Variants in S100A2 observed in about 807,000 individuals in gnomAD.
S100A2 encodes S100 calcium binding protein A2.
S100A2 carries 5 observed loss-of-function variants against 4.3 expected under a neutral mutation model. The observed-to-expected ratio is 1.16, with a 90% CI of 0.61 to 2.44. S100A2 has a LOEUF of 2.44. Among genes scored for constraint, S100A2 ranks in the 30% most tolerant of loss-of-function variants. S100A2 has a pLI of 0.01. For missense variants in S100A2, 103 were observed against 114.7 expected, an observed-to-expected ratio of 0.90 and a Z score of 0.47; for synonymous variants, 44 against 46.0, an observed-to-expected ratio of 0.96 and a Z score of 0.17.
chr1:153,561,859 G>A (rs941302494), intron 2 of S100A2, among the ~76,000 whole-genome samples: 7 of 152,250 alleles, frequency 4.6e-5, no homozygotes, highest in Non-Finnish European at 1.0e-4. Context: ...GCATCAGCTC[G>A]AATCCCACAG....
In S100A2 at chr1:153,563,787, T is replaced by G; in HGVS notation, c.91A>C (p.Ser31Arg). 1 of 1,614,190 alleles carries G rather than the reference T, an allele frequency of 6.2e-7. No individual in the cohort carries two copies. The change falls in exon 2 of 3, where the codon AGT becomes CGT. Residue 31 changes from serine (S) to arginine (R), a missense_variant. By Grantham distance (110) the Ser-to-Arg change is moderately radical. Transcript: ENST00000368708. ...AGAAGTTCCTTCATTTCCCCCTTAC[T>G]CAGCTTGAACTTGTCGCCCTCTTGG... Reference protein sequence around the residue: ...SCQEGDKFKLSKGEMKELLHK... With the variant: ...SCQEGDKFKLRKGEMKELLHK...
chr1:153,561,111 G>T lies in S100A2; in HGVS notation c.*328C>A. 9.5e-6 allele frequency: 2 copies of T among 209,874 alleles called. No individual in the cohort carries two copies. Among genetic ancestry groups the T allele is most frequent in the Non-Finnish European group, 1.9e-5 (2 of 106,748 alleles). The allele number at this position is 209,874 out of a possible 1,614,324, so 13.0% of individuals were successfully genotyped here. A position where few individuals can be genotyped will look rare whatever the true frequency, so the allele number is the denominator to read the frequency against. On this transcript the variant is annotated 3_prime_UTR_variant, in exon 3 of 3. Coordinates refer to ENST00000368708, the MANE Select transcript of S100A2 (RefSeq NM_005978.4). Reference sequence around the variant, plus strand: ...ATGATAGTGATGGTGGATGGTATTTGCCTTTTTTAATATCTTTATTTGACA... The same window carrying T: ...ATGATAGTGATGGTGGATGGTATTTTCCTTTTTTAATATCTTTATTTGACA...
chr1:153,561,255 G>C lies in S100A2; in HGVS notation c.*184C>G, dbSNP rs1378114521. ...AGATTTCCAGGAGAGTCAGAGCCCAGAAGGGAGCAGGATCCAGGAGGCCCT... is the reference window on the plus strand; with the variant it reads ...AGATTTCCAGGAGAGTCAGAGCCCACAAGGGAGCAGGATCCAGGAGGCCCT... On this transcript the variant is annotated 3_prime_UTR_variant, in exon 3 of 3. Coordinates refer to ENST00000368708, the MANE Select transcript of S100A2 (RefSeq NM_005978.4). 4.7e-6 allele frequency: 3 copies of C among 635,252 alleles called. No individual in the cohort carries two copies. In the African/African-American group the frequency reaches 5.6e-5, roughly 12 times the overall value. 39.4% of individuals were successfully genotyped at this position (635,252 alleles called of 1,614,324 possible).
At chr1:153,561,738 G>T in intron 2 of S100A2, 147 bp from the exon 3 acceptor site, 2 of 1,055,392 alleles carry the variant, frequency 1.9e-6, no homozygotes, top group Non-Finnish European at 2.8e-6. Context: ...GGCCCTGGGA[G>T]CTACCAAGAG....
At chr1:153,561,696 C>T (rs1665899276) in intron 2 of S100A2, 105 bp from the exon 3 acceptor site, 1 of 1,528,294 alleles carries the variant, frequency 6.5e-7, no homozygotes, top group African/African-American at 1.4e-5. Context: ...CTCTCCCTCC[C>T]CACTGGGCAG....
chr1:153,564,944 C>T (rs959239449), intron 1 of S100A2, among the ~76,000 whole-genome samples: 1 of 151,556 alleles, frequency 6.6e-6, no homozygotes, highest in Non-Finnish European at 1.5e-5. Context: ...AAGAAGGGCC[C>T]CTAGACTGAG....
In S100A2 at chr1:153,561,610, A is replaced by G. The variant is rs751594230; in HGVS notation, c.145-19T>C. 3.3e-5 allele frequency: 53 copies of G among 1,613,830 alleles called. No individual in the cohort carries two copies. Among genetic ancestry groups the G allele is most frequent in the Non-Finnish European group, 4.4e-5 (52 of 1,180,020 alleles). ...CTTTCTCCTGAAAGTGACAGGAAAT[A>G]CACTCATCACCAAGCCAGCCCCAAC... On this transcript the variant is annotated intron_variant, in intron 2 of 2. Transcript: ENST00000368708.
Position 153,563,775 on chromosome 1 carries a change from T to C in S100A2, c.103A>G (p.Met35Val), listed in dbSNP as rs1484455551. The change falls in exon 2 of 3, where the codon ATG becomes GTG. Residue 35 changes from methionine to valine, a missense_variant. Transcript: ENST00000368708. ...AGCTCCTTGTGCAGAAGTTCCTTCATTTCCCCCTTACTCAGCTTGAACTTG... is the reference window on the plus strand; with the variant it reads ...AGCTCCTTGTGCAGAAGTTCCTTCACTTCCCCCTTACTCAGCTTGAACTTG... ...GDKFKLSKGE[M>V]KELLHKELPS... 6.2e-7 allele frequency: 1 copy of C among 1,614,242 alleles called. No individual in the cohort carries two copies.
Position 153,562,396 on chromosome 1 carries a change from C to A in S100A2, c.145-805G>T, listed in dbSNP as rs73009905. On this transcript the variant is annotated intron_variant, in intron 2 of 2. Coordinates refer to ENST00000368708, the MANE Select transcript of S100A2 (RefSeq NM_005978.4). ...GGCTTAAGAGATCCTCCTGCCTTAG[C>A]CTCCCACACTGTGGGGATTACAGGC... Among the ~76,000 whole-genome samples, 1,225 of 152,264 alleles carry A rather than the reference C, an allele frequency of 8.0e-3. 17 individuals carry two copies. Among genetic ancestry groups the A allele is most frequent in the African/African-American group, 0.026 (1,099 of 41,548 alleles).
chr1:153,561,944 C>A (rs112625728), intron 2 of S100A2, among the ~76,000 whole-genome samples: 22 of 152,324 alleles, frequency 1.4e-4, no homozygotes, highest in African/African-American at 4.8e-4. Flanking sequence ...CCAACACCAG[C>A]CAGGTAGATT....
At chr1:153,563,544 A>T in intron 2 of S100A2, 190 bp downstream of exon 2, 3 of 1,551,290 alleles carry the variant, frequency 1.9e-6, no homozygotes, top group Non-Finnish European at 2.6e-6. Flanking sequence ...ATGCTGCAGG[A>T]AACAGCCATT....
intron 2 of S100A2, among the ~76,000 whole-genome samples, chr1:153,563,156 G>A (rs1444304622): frequency 3.3e-5 from 5 of 151,848 alleles, no homozygotes; most frequent in East Asian, 1.9e-4. Flanking sequence ...GGTAGATCAC[G>A]AGGTCAGGAG....
chr1:153,564,830 G>C (rs1452485868), intron 1 of S100A2, among the ~76,000 whole-genome samples: 1 of 102,328 alleles, frequency 9.8e-6, no homozygotes, highest in East Asian at 3.4e-4. Context: ...TTGCACCTTA[G>C]TCCTGCTAGA....
intron 2 of S100A2, 39 bp downstream of exon 2, chr1:153,563,695 C>A: frequency 6.3e-7 from 1 of 1,599,980 alleles, no homozygotes; most frequent in Non-Finnish European, 8.5e-7. Context: ...CACCCCCACA[C>A]TCACACCAGG....
Position 153,561,399 on chromosome 1 carries a change from G to A in S100A2, c.*40C>T, listed in dbSNP as rs372492133. ...AAAACTCAAAGGCATCAACAGTCCT[G>A]GGCCCAAGAGATCCATGGCAGGAAG... On this transcript the variant is annotated 3_prime_UTR_variant, in exon 3 of 3. Coordinates refer to ENST00000368708, the MANE Select transcript of S100A2 (RefSeq NM_005978.4). 35 of 1,601,000 alleles carry A rather than the reference G, an allele frequency of 2.2e-5. No homozygotes were observed. The highest frequency in any genetic ancestry group is 1.7e-4 in the Middle Eastern group (1 of 6,042).
intron 1 of S100A2, among the ~76,000 whole-genome samples, chr1:153,565,100 A>G (rs542586452): frequency 6.6e-6 from 1 of 151,870 alleles, no homozygotes; most frequent in South Asian, 2.1e-4. Context: ...TCACGAGATC[A>G]GGAGATCGAG....
In S100A2 at chr1:153,561,483, C is replaced by T; in HGVS notation, c.253G>A (p.Val85Ile). 2.5e-6 allele frequency: 4 copies of T among 1,614,176 alleles called. No homozygotes were observed. The highest frequency in any genetic ancestry group is 3.4e-6 in the Non-Finnish European group (4 of 1,180,040). The change falls in exon 3 of 3, where the codon GTC becomes ATC. Residue 85 changes from valine to isoleucine, a missense_variant. Physicochemically the swap from Val to Ile is conservative, Grantham distance 29 (BLOSUM62 3). Coordinates refer to ENST00000368708, the MANE Select transcript of S100A2 (RefSeq NM_005978.4). ...CCCTGGAAGAAGTCATTGCACATGA[C>T]AGTGATGAGTGCCAGGAAAACAGCA... is the stretch of plus-strand genomic sequence containing the variant. ...EYAVFLALITVMCNDFFQGCP... is the reference protein window; with the variant it reads ...EYAVFLALITIMCNDFFQGCP...
chr1:153,564,142 G>T (rs1665957667), intron 1 of S100A2: 1 of 412,790 alleles, frequency 2.4e-6, no homozygotes, highest in African/African-American at 2.0e-5. Context: ...TGGCACTTGG[G>T]ACACCCCCCT....
chr1:153,564,630 G>A (rs745918884), intron 1 of S100A2, among the ~76,000 whole-genome samples: 1 of 152,026 alleles, frequency 6.6e-6, no homozygotes, highest in Non-Finnish European at 1.5e-5. Context: ...AGACCTCAGC[G>A]GCAAGGCCTC....
Sources: allele counts gnomAD v4.1 joint callset (sites outside exome capture counted in the v4.1 genomes callset), GRCh38; gene constraint gnomAD v4.1.1; transcripts MANE v1.5; gene names NCBI Gene and HGNC (gene_info 2026-07-23, HGNC 2026-07-21).